Variants in RERE observed in about 807,000 individuals in gnomAD.
The protein encoded by RERE is arginine-glutamic acid dipeptide repeats.
RERE carries 40 observed loss-of-function variants against 146.1 expected under a neutral mutation model. That is an observed-to-expected ratio of 0.27 (90% CI 0.21 to 0.36). The LOEUF (loss-of-function observed/expected upper bound fraction) is 0.36, where lower values mean the gene tolerates loss of function less well. Among genes scored for constraint, RERE ranks in the 10% least tolerant of loss-of-function variants. The pLI, the probability that RERE is intolerant of heterozygous loss-of-function variation, is 1.00. For missense variants in RERE, 1,933 were observed against 2,138.7 expected, an observed-to-expected ratio of 0.90 and a Z score of 1.90; for synonymous variants, 1,003 against 866.0, an observed-to-expected ratio of 1.16 and a Z score of -2.78.
At chr1:8,790,031 G>T (rs1289796744) in intron 1 of RERE, among the ~76,000 whole-genome samples, 1 of 152,202 alleles carries the variant, frequency 6.6e-6, no homozygotes, top group African/African-American at 2.4e-5. Context: ...GCCAAAGATA[G>T]TAACTTTTAT....
At chr1:8,644,679 T>A (rs886562893) in intron 2 of RERE, among the ~76,000 whole-genome samples, 1 of 152,182 alleles carries the variant, frequency 6.6e-6, no homozygotes, top group African/African-American at 2.4e-5. Context: ...TTACTTCCCA[T>A]AGTTTCCTTA....
intron 11 of RERE, among the ~76,000 whole-genome samples, chr1:8,460,652 G>A (rs1406605889): frequency 6.6e-6 from 1 of 152,150 alleles, no homozygotes; most frequent in Non-Finnish European, 1.5e-5. Context: ...TATTTAATGG[G>A]TAGTGTATTT....
chr1:8,603,951 AG>A lies in RERE; in HGVS notation c.522+10609del, dbSNP rs1269100613. Among the ~76,000 whole-genome samples the A allele has an allele frequency of 5.6e-3, 842 of 149,492 alleles. 10 individuals are homozygous for A. Among genetic ancestry groups the A allele is most frequent in the African/African-American group, 0.02 (806 of 40,258 alleles). ...GAGACCCTGTCTCAAAAAAAAAAAA[AG>A]AAAAGAAAAAAGAAGAAGTTCCACA... On this transcript the variant is annotated intron_variant, in intron 4 of 22. Coordinates refer to ENST00000400908, the MANE Select transcript of RERE (RefSeq NM_001042681.2).
chr1:8,642,533 T>C (rs189267870), intron 2 of RERE, among the ~76,000 whole-genome samples: 2 of 152,198 alleles, frequency 1.3e-5, no homozygotes, highest in Non-Finnish European at 2.9e-5. Context: ...AATAGACTTT[T>C]TAAAAATAGA....
intron 1 of RERE, among the ~76,000 whole-genome samples, chr1:8,669,977 G>GGAAC (rs958278664): frequency 6.6e-6 from 1 of 152,134 alleles, no homozygotes; most frequent in Non-Finnish European, 1.5e-5. Context: ...AAGGAAAAAT[G>GGAAC]GAACCACAAA....
intron 10 of RERE, among the ~76,000 whole-genome samples, chr1:8,491,433 T>G (rs1420884754): frequency 1.3e-5 from 2 of 149,710 alleles, no homozygotes; most frequent in Non-Finnish European, 3.0e-5. Flanking sequence ...AAACTCCATC[T>G]CAAAACAAAA....
chr1:8,511,761 CCTCT>C (rs1645338370), intron 7 of RERE: 1 of 151,956 alleles, frequency 6.6e-6, no homozygotes, highest in Admixed American at 6.6e-5. Context: ...GCACTGCTCT[CCTCT>C]CTTTTTTCTT....
chr1:8,607,508 C>T (rs552019710), intron 4 of RERE, among the ~76,000 whole-genome samples: 8 of 135,398 alleles, frequency 5.9e-5, no homozygotes, highest in African/African-American at 2.2e-4. Context: ...AGGAGAAGCC[C>T]CGCATATTTG....
At chr1:8,509,353 C>G (rs1005696771) in intron 7 of RERE, among the ~76,000 whole-genome samples, 2 of 152,062 alleles carry the variant, frequency 1.3e-5, no homozygotes, top group East Asian at 1.9e-4. Flanking sequence ...CTACCATAAG[C>G]CTTATAAAAT....
At chr1:8,450,630 C>CTCACTTTT (rs1644379721) in intron 11 of RERE, among the ~76,000 whole-genome samples, 1 of 152,106 alleles carries the variant, frequency 6.6e-6, no homozygotes, top group South Asian at 2.1e-4. Context: ...CTGCAGCTTT[C>CTCACTTTT]TCACTTTCAG....
chr1:8,805,007 GGT>G (rs1491352766), intron 1 of RERE, among the ~76,000 whole-genome samples: 2,782 of 61,256 alleles, frequency 0.045, 329 homozygotes, highest in African/African-American at 0.16. Context: ...TTTTGTTTTT[GGT>G]TTTTTTTTTT....
chr1:8,805,419 C>T (rs1641670663), intron 1 of RERE, among the ~76,000 whole-genome samples: 1 of 152,018 alleles, frequency 6.6e-6, no homozygotes, highest in Admixed American at 6.6e-5. Flanking sequence ...GAGGCTGAGG[C>T]AGGTGGATCA....
chr1:8,645,854 C>G lies in RERE; in HGVS notation c.325+10119G>C, dbSNP rs527290646. Among the ~76,000 whole-genome samples, 3 of 152,254 alleles carry G rather than the reference C, an allele frequency of 2.0e-5. No homozygotes were observed. In the East Asian group the frequency reaches 5.8e-4, roughly 29 times the overall value. ...GTGCTAAAGAATTGTCTTTCACATA[C>G]GTGGAATTTGAATAACTTCCTAATA... On this transcript the variant is annotated intron_variant, in intron 2 of 22. Transcript: ENST00000400908.
chr1:8,538,622 A>G (rs1378538395), intron 7 of RERE, among the ~76,000 whole-genome samples: 5 of 152,200 alleles, frequency 3.3e-5, no homozygotes, highest in African/African-American at 1.2e-4. Context: ...CGGCCTTTAC[A>G]CTTCAACTGT....
Position 8,490,820 on chromosome 1 carries a change from C to A in RERE, c.1104+4243G>T, listed in dbSNP as rs567742299. Among the ~76,000 whole-genome samples the A allele has an allele frequency of 4.5e-4, 68 of 150,510 alleles. 1 individual carries two copies. The South Asian group carries it at 0.014, about 31-fold the overall frequency. ...GGAAGCAGAAAATGATTATAAGAGG[C>A]CATGAGGCAACTTTTGGGGGTGTTG... On this transcript the variant is annotated intron_variant, in intron 10 of 22. Coordinates refer to ENST00000400908, the MANE Select transcript of RERE (RefSeq NM_001042681.2).
chr1:8,667,120 G>C (rs1407423084), intron 1 of RERE, among the ~76,000 whole-genome samples: 3 of 152,146 alleles, frequency 2.0e-5, no homozygotes, highest in Non-Finnish European at 2.9e-5. Flanking sequence ...GGAAACAACT[G>C]AGAGAACTAA....
chr1:8,720,930 C>T (rs116644103), intron 1 of RERE, among the ~76,000 whole-genome samples: 4,215 of 152,214 alleles, frequency 0.028, 79 homozygotes, highest in South Asian at 0.038. Context: ...GTGATGCACA[C>T]CTGCAATCCC....
intron 1 of RERE, among the ~76,000 whole-genome samples, chr1:8,712,722 T>C (rs1336854350): frequency 6.6e-6 from 1 of 152,134 alleles, no homozygotes; most frequent in African/African-American, 2.4e-5. Flanking sequence ...CTATTTACAT[T>C]TTTTGGTGCA....
At chr1:8,414,518 T>G (rs1229748820) in intron 12 of RERE, among the ~76,000 whole-genome samples, 2 of 152,240 alleles carry the variant, frequency 1.3e-5, no homozygotes, top group East Asian at 3.9e-4. Flanking sequence ...ATCGCGCCAC[T>G]GCACTCCAGC....
Sources: gnomAD v4.1 joint callset for allele counts (sites outside exome capture counted in the v4.1 genomes callset) on GRCh38, gnomAD v4.1.1 for gene constraint, MANE v1.5 for transcripts, NCBI Gene and HGNC (gene_info 2026-07-23, HGNC 2026-07-21) for gene names.